VWA8: variants seen among roughly 807,000 people sequenced by gnomAD.
The protein encoded by VWA8 is von Willebrand factor A domain-containing protein 8.
In VWA8, 221 loss-of-function variants were observed where a neutral mutation model predicts 241.5. The observed-to-expected ratio is 0.91, with a 90% CI of 0.82 to 1.02. VWA8 has a LOEUF of 1.02. Ranked by LOEUF, VWA8 falls within the 50% of genes least tolerant of loss-of-function variation. The pLI is 0.00. For synonymous variants in VWA8, 852 were observed against 827.1 expected, an observed-to-expected ratio of 1.03 and a Z score of -0.52; for missense variants, 2,322 against 2,328.7, an observed-to-expected ratio of 1.00 and a Z score of 0.06.
At chr13:41,943,385 G>C (rs1877687436) in intron 2 of VWA8, among the ~76,000 whole-genome samples, 1 of 152,098 alleles carries the variant, frequency 6.6e-6, no homozygotes, top group Non-Finnish European at 1.5e-5. Flanking sequence ...TTTAGAAGCA[G>C]AGATGTAATA....
intron 12 of VWA8, among the ~76,000 whole-genome samples, chr13:41,839,551 T>A (rs1871898757): frequency 6.6e-6 from 1 of 152,260 alleles, no homozygotes; most frequent in Non-Finnish European, 1.5e-5. Flanking sequence ...GTTTTAGTCA[T>A]GAAGTCTTTG....
At chr13:41,716,138 G>A (rs1160293594) in intron 26 of VWA8, among the ~76,000 whole-genome samples, 1 of 151,962 alleles carries the variant, frequency 6.6e-6, no homozygotes, top group Non-Finnish European at 1.5e-5. Context: ...GTGGGTGGGT[G>A]GGGTCTAGGT....
chr13:41,675,402 A>T (rs1469547371), intron 35 of VWA8, 106 bp from the exon 36 acceptor site: 3 of 730,922 alleles, frequency 4.1e-6, no homozygotes, highest in Non-Finnish European at 6.8e-6. Flanking sequence ...GAACGCTGGG[A>T]TCTACTTGAC....
In VWA8 at chr13:41,685,067, A is replaced by T. The variant is rs1202328028; in HGVS notation, c.4307T>A (p.Leu1436Gln). Residue 1436 changes from leucine to glutamine, a missense_variant, in exon 35 of 45, where the codon CTA (leucine) becomes CAA (glutamine). By Grantham distance (113) the Leu-to-Gln change is moderately radical (BLOSUM62 -2). Coordinates refer to ENST00000379310, the MANE Select transcript of VWA8 (RefSeq NM_015058.2). ...CTTACCTTTTGGGTAGATATCTTTT[A>T]GAGGGACTTCTCCTGGGGGTAAAAT... is the stretch of plus-strand genomic sequence containing the variant. ...VRILPPGEVP[L>Q]KDIYPKDVTP... 1.9e-6 allele frequency: 3 copies of T among 1,613,366 alleles called. 1 individual carries two copies. In the Admixed American group the frequency reaches 5.0e-5, roughly 27 times the overall value.
chr13:41,691,340 C>T lies in VWA8; in HGVS notation c.3846G>A (p.Leu1282=), dbSNP rs375561766. The change falls in exon 32 of 45, where the codon CTG becomes CTA. Residue 1282 remains leucine, a synonymous_variant. Transcript: ENST00000379310. The part of the protein sequence containing the change: ...VFLVAEDKWL[L]VESKTNQKYL... ...CTCACTGATTTGTTTTGCTCTCCAC[C>T]AGAAGCCATTTGTCCTCTGCTACAA... 1.9e-6 allele frequency: 3 copies of T among 1,612,226 alleles called. No individual in the cohort carries two copies. The African/African-American group carries it at 4.0e-5, about 22-fold the overall frequency.
intron 21 of VWA8, among the ~76,000 whole-genome samples, chr13:41,748,229 G>T (rs1379734030): frequency 6.6e-6 from 1 of 152,140 alleles, no homozygotes; most frequent in Non-Finnish European, 1.5e-5. Context: ...ATCTGGTCCT[G>T]AACTTTTTTT....
chr13:41,587,776 CAGACCAG>C, intron 41 of VWA8, 106 bp from the exon 42 acceptor site: 2 of 1,375,240 alleles, frequency 1.5e-6, no homozygotes, highest in Non-Finnish European at 2.0e-6. Context: ...CCGAGATGGG[CAGACCAG>C]CCATAGGCTC....
chr13:41,620,457 G>A (rs2044649525), intron 37 of VWA8, among the ~76,000 whole-genome samples: 1 of 152,020 alleles, frequency 6.6e-6, no homozygotes, highest in Non-Finnish European at 1.5e-5. Flanking sequence ...GATTTTTTGT[G>A]TCTCTATCTC....
chr13:41,727,191 T>C lies in VWA8; in HGVS notation c.2758+3A>G, dbSNP rs1435772586. 1 of 1,540,296 alleles carries C rather than the reference T, an allele frequency of 6.5e-7. No homozygotes were observed. Among genetic ancestry groups the C allele is most frequent in the South Asian group, 1.2e-5 (1 of 81,290 alleles). On this transcript the variant is annotated splice_donor_region_variant and intron_variant, in intron 24 of 44. Coordinates refer to ENST00000379310, the MANE Select transcript of VWA8 (RefSeq NM_015058.2). ...GTATTGTTATTATCATTACTGTTTT[T>C]ACCTAAGGTACCGAAGAAATCATTG...
intron 36 of VWA8, among the ~76,000 whole-genome samples, chr13:41,671,374 C>G (rs1325272073): frequency 6.6e-6 from 1 of 151,656 alleles, no homozygotes; most frequent in Non-Finnish European, 1.5e-5. Context: ...TGAGGCAGGA[C>G]AATCATGAAT....
intron 37 of VWA8, among the ~76,000 whole-genome samples, chr13:41,640,305 A>C (rs2044787246): frequency 6.6e-6 from 1 of 152,172 alleles, no homozygotes; most frequent in Non-Finnish European, 1.5e-5. Context: ...ATAGACCATA[A>C]ATAAAAAGAA....
intron 22 of VWA8, among the ~76,000 whole-genome samples, chr13:41,730,540 G>C (rs1037042114): frequency 6.6e-6 from 1 of 152,062 alleles, no homozygotes; most frequent in African/African-American, 2.4e-5. Context: ...GTTTTGTAGG[G>C]ACAGAATCTA....
At chr13:41,751,932 C>G (rs1001953657) in intron 21 of VWA8, among the ~76,000 whole-genome samples, 2 of 152,156 alleles carry the variant, frequency 1.3e-5, no homozygotes, top group East Asian at 3.9e-4. Flanking sequence ...GAAATTAGCA[C>G]ATATCAAGTC....
In VWA8 at chr13:41,769,984, A is replaced by G. The variant is rs1019271434; in HGVS notation, c.2349+8001T>C. On this transcript the variant is annotated intron_variant, in intron 20 of 44. Transcript: ENST00000379310. ...AATACTATAAAGTTCAGAAGAAAAT[A>G]AGATTACTTCTTTTTTGGGAGAGAC... Among the ~76,000 whole-genome samples the G allele has an allele frequency of 9.9e-5, 15 of 152,226 alleles. 1 individual carries two copies. Among genetic ancestry groups the G allele is most frequent in the African/African-American group, 3.6e-4 (15 of 41,456 alleles).
At chr13:41,843,501 C>T (rs1170880263) in intron 12 of VWA8, among the ~76,000 whole-genome samples, 1 of 152,014 alleles carries the variant, frequency 6.6e-6, no homozygotes, top group Non-Finnish European at 1.5e-5. Flanking sequence ...AAAATCAGAG[C>T]ACAACTGAAT....
intron 12 of VWA8, among the ~76,000 whole-genome samples, chr13:41,840,369 G>A (rs1007434757): frequency 2.0e-5 from 3 of 151,928 alleles, no homozygotes; most frequent in Non-Finnish European, 2.9e-5. Context: ...CGTAGGTGAC[G>A]GGTTGGTTGA....
At chr13:41,758,429 TAC>T (rs1566444783) in intron 21 of VWA8, among the ~76,000 whole-genome samples, 1 of 101,490 alleles carries the variant, frequency 9.9e-6, no homozygotes, top group African/African-American at 3.4e-5. Flanking sequence ...TATATATATA[TAC>T]GCTAGTATAT....
chr13:41,835,981 CAT>C (rs1003666314), intron 12 of VWA8, among the ~76,000 whole-genome samples: 12 of 152,060 alleles, frequency 7.9e-5, no homozygotes, highest in Admixed American at 3.3e-4. Context: ...ACTTTTGAAA[CAT>C]ATATAAACTT....
chr13:41,805,358 C>T (rs929630153), intron 17 of VWA8, among the ~76,000 whole-genome samples: 3 of 152,126 alleles, frequency 2.0e-5, no homozygotes, highest in Non-Finnish European at 4.4e-5. Flanking sequence ...GTCAATTCAG[C>T]AAGAGCATAT....
Sources: allele counts gnomAD v4.1 joint callset (sites outside exome capture counted in the v4.1 genomes callset), GRCh38; gene constraint gnomAD v4.1.1; transcripts MANE v1.5; gene names NCBI Gene and HGNC (gene_info 2026-07-23, HGNC 2026-07-21).